The following CHIC1 variants were observed in gnomAD, a reference collection of about 807,000 sequenced individuals.
CHIC1 encodes cysteine rich hydrophobic domain 1, also known as cysteine-rich hydrophobic domain-containing protein 1.
Under a neutral mutation model 18.5 loss-of-function variants are expected in CHIC1, and 7 were observed. That is an observed-to-expected ratio of 0.38 (90% CI 0.22 to 0.71). The LOEUF (loss-of-function observed/expected upper bound fraction) is 0.71. Ranked by LOEUF, CHIC1 falls within the 30% of genes least tolerant of loss-of-function variation. The probability of loss-of-function intolerance (pLI) is 0.49; values close to 1 mark genes in which losing one functional copy is unlikely to be tolerated. For missense variants in CHIC1, 159 were observed against 176.9 expected, an observed-to-expected ratio of 0.90 and a Z score of 0.57; for synonymous variants, 77 against 73.5, an observed-to-expected ratio of 1.05 and a Z score of -0.25.
intron 3 of CHIC1, among the ~76,000 whole-genome samples, chrX:73,660,212 C>T (rs1489984596): frequency 8.9e-6 from 1 of 112,282 alleles, no homozygotes; most frequent in Non-Finnish European, 1.9e-5. Flanking sequence ...TGTGTTTGGG[C>T]AGGTACACAG....
intron 3 of CHIC1, among the ~76,000 whole-genome samples, chrX:73,596,336 C>T (rs1309326234): frequency 9.0e-6 from 1 of 111,170 alleles, no homozygotes; most frequent in African/African-American, 3.3e-5. Context: ...TGAAGGACCT[C>T]TTTAGTGAGA....
At chrX:73,623,145 A>AGAACGTAT (rs1302847358) in intron 3 of CHIC1, among the ~76,000 whole-genome samples, 1 of 111,618 alleles carries the variant, frequency 9.0e-6, no homozygotes, top group Non-Finnish European at 1.9e-5. Flanking sequence ...GGTGCTGAGA[A>AGAACGTAT]GAACGTATAT....
At chrX:73,663,297 C>G (rs2057989484) in intron 3 of CHIC1, among the ~76,000 whole-genome samples, 1 of 111,022 alleles carries the variant, frequency 9.0e-6, no homozygotes, top group Non-Finnish European at 1.9e-5. Context: ...TTCATGGGCT[C>G]TTTGTAATTT....
intron 3 of CHIC1, among the ~76,000 whole-genome samples, chrX:73,664,344 G>A (rs868509136): frequency 8.1e-5 from 9 of 111,077 alleles, no homozygotes; most frequent in African/African-American, 9.8e-5. Context: ...GGCTCTCCAC[G>A]TAGAAAACAA....
chrX:73,572,348 T>G (rs940194568), intron 1 of CHIC1, among the ~76,000 whole-genome samples: 1 of 111,187 alleles, frequency 9.0e-6, no homozygotes, highest in African/African-American at 3.3e-5. Context: ...CATATTTTCT[T>G]TATCTAGTCC....
intron 3 of CHIC1, among the ~76,000 whole-genome samples, chrX:73,620,966 C>T (rs1352921036): frequency 8.9e-6 from 1 of 111,756 alleles, no homozygotes; most frequent in Non-Finnish European, 1.9e-5. Context: ...AATCCTTTCC[C>T]CATTGCTTAT....
chrX:73,563,336 G>C lies in CHIC1; in HGVS notation c.52G>C (p.Glu18Gln). ...GGAGTTCGACACCATCTCGGAACTG[G>C]AGGAGGAGGAGGAAGAAGAAGCGGC... The part of the protein sequence containing the change: ...MAEFDTISEL[E>Q]EEEEEEAATS... The change falls in exon 1 of 6, where the codon GAG becomes CAG. Residue 18 changes from glutamate to glutamine, a missense_variant. By Grantham distance (29) the Glu-to-Gln change is conservative (BLOSUM62 2). Coordinates refer to ENST00000373502, the MANE Select transcript of CHIC1 (RefSeq NM_001039840.4). 1.8e-6 allele frequency: 2 copies of C among 1,127,951 alleles called. No homozygotes were observed. Among genetic ancestry groups the C allele is most frequent in the East Asian group, 6.8e-5 (2 of 29,247 alleles). The allele number at this position is 1,127,951 out of a possible 1,213,427, so 93.0% of individuals were successfully genotyped here.
At chrX:73,595,022 T>C (rs185335368) in intron 3 of CHIC1, among the ~76,000 whole-genome samples, 1 of 111,760 alleles carries the variant, frequency 8.9e-6, no homozygotes, top group African/African-American at 3.2e-5. Context: ...TTGAGTTGTT[T>C]CCACCTTTTG....
chrX:73,597,143 A>G (rs1260071075), intron 3 of CHIC1, among the ~76,000 whole-genome samples: 1 of 112,235 alleles, frequency 8.9e-6, no homozygotes, highest in East Asian at 2.8e-4. Context: ...GATCCTCATC[A>G]ATGTGTGTTA....
In CHIC1 at chrX:73,685,628, A is replaced by G. The variant is rs1386310226; in HGVS notation, c.*4623A>G. ...CGTCCTCATTGTCGAAGTGGGGACA[A>G]TAATCTGGACCTACCTCACAGGGGA... On this transcript the variant is annotated 3_prime_UTR_variant, in exon 6 of 6. Coordinates refer to ENST00000373502, the MANE Select transcript of CHIC1 (RefSeq NM_001039840.4). 9.0e-6 allele frequency: 1 copy of G among 111,582 alleles called. No individual in the cohort carries two copies. The highest frequency in any genetic ancestry group is 9.6e-5 in the Admixed American group (1 of 10,461). The allele number at this position is 111,582 out of a possible 1,213,427, so 9.2% of individuals were successfully genotyped here.
At chrX:73,638,429 C>T (rs2057840342) in intron 3 of CHIC1, among the ~76,000 whole-genome samples, 1 of 111,514 alleles carries the variant, frequency 9.0e-6, no homozygotes, top group Admixed American at 9.5e-5. Context: ...CTACCTCATT[C>T]AGACCAAGAA....
chrX:73,633,418 G>A (rs2057817466), intron 3 of CHIC1, among the ~76,000 whole-genome samples: 1 of 111,116 alleles, frequency 9.0e-6, no homozygotes, highest in Non-Finnish European at 1.9e-5. Flanking sequence ...TGGGGCAATG[G>A]TGAATAGTTC....
intron 3 of CHIC1, among the ~76,000 whole-genome samples, chrX:73,668,957 A>G (rs1050353941): frequency 4.4e-5 from 5 of 112,942 alleles, no homozygotes; most frequent in Non-Finnish European, 9.4e-5. Flanking sequence ...AAGCCCAAAC[A>G]GCCAAGTTGG....
chrX:73,605,589 G>A (rs1451285638), intron 3 of CHIC1, among the ~76,000 whole-genome samples: 2 of 108,330 alleles, frequency 1.8e-5, no homozygotes, highest in Non-Finnish European at 3.8e-5. Flanking sequence ...TCATAGTGTC[G>A]ATGGTCTTTA....
At chrX:73,588,469 CT>C (rs1856187731) in intron 3 of CHIC1, among the ~76,000 whole-genome samples, 1 of 111,330 alleles carries the variant, frequency 9.0e-6, no homozygotes, top group African/African-American at 3.2e-5. Flanking sequence ...GTCGCATTAA[CT>C]ACATTGACAG....
At chrX:73,575,061 C>T (rs1306108219) in intron 1 of CHIC1, among the ~76,000 whole-genome samples, 1 of 109,831 alleles carries the variant, frequency 9.1e-6, no homozygotes, top group African/African-American at 3.3e-5. Flanking sequence ...TTAAACAGTA[C>T]AGTAGTTTAT....
Position 73,567,607 on chromosome X carries a change from A to G in CHIC1, c.296+4027A>G, listed in dbSNP as rs192256349. Among the ~76,000 whole-genome samples, 15 of 111,299 alleles carry G rather than the reference A, an allele frequency of 1.3e-4. No homozygotes were observed. In the Admixed American group the frequency reaches 1.4e-3, roughly 11 times the overall value. On this transcript the variant is annotated intron_variant, in intron 1 of 5. Transcript: ENST00000373502. ...CACATCCATCCTCCAGCCTGCTGCT[A>G]GATTAAGACACAAAAAGTACATATC... is the stretch of plus-strand genomic sequence containing the variant.
rs1015538916 is a variant in CHIC1, at chrX:73,569,541, T to C, written c.296+5961T>C. On this transcript the variant is annotated intron_variant, in intron 1 of 5. Transcript: ENST00000373502. Reference sequence around the variant, plus strand: ...GTGTGAGCACTTCCCAAGTGCCTGCTGAGCCCCACATCTTGGCTAATTTCT... The same window carrying C: ...GTGTGAGCACTTCCCAAGTGCCTGCCGAGCCCCACATCTTGGCTAATTTCT... Among the ~76,000 whole-genome samples, 4 of 111,619 alleles carry C rather than the reference T, an allele frequency of 3.6e-5. No individual in the cohort carries two copies. The Admixed American group carries it at 3.8e-4, about 11-fold the overall frequency.
intron 3 of CHIC1, among the ~76,000 whole-genome samples, chrX:73,619,869 C>A (rs1028654544): frequency 2.7e-5 from 3 of 110,658 alleles, no homozygotes; most frequent in African/African-American, 9.9e-5. Context: ...TCCCCCACCC[C>A]CCAAAAGGCC....
Sources: gnomAD v4.1 joint callset for allele counts (sites outside exome capture counted in the v4.1 genomes callset) on GRCh38, gnomAD v4.1.1 for gene constraint, MANE v1.5 for transcripts, NCBI Gene and HGNC (gene_info 2026-07-23, HGNC 2026-07-21) for gene names.